Variants in GCAT observed in about 807,000 individuals in gnomAD.
The protein encoded by GCAT is glycine C-acetyltransferase, also known as 2-amino-3-ketobutyrate coenzyme A ligase, mitochondrial.
A neutral mutation model predicts 39.7 loss-of-function variants in GCAT; 26 were observed. The observed-to-expected ratio is 0.65, with a 90% CI of 0.48 to 0.91. The LOEUF is 0.91. Among genes scored for constraint, GCAT ranks in the 40% least tolerant of loss-of-function variants. The probability of loss-of-function intolerance (pLI) is 0.00; values close to 1 mark genes in which losing one functional copy is unlikely to be tolerated. For missense variants in GCAT, 550 were observed against 576.2 expected (o/e 0.95, Z 0.47); for synonymous variants, 218 against 237.2 (o/e 0.92, Z 0.74).
Position 37,807,943 on chromosome 22 carries a change from G to C in GCAT, c.-25G>C, listed in dbSNP as rs1021179263. 1 of 1,465,208 alleles carries C rather than the reference G, an allele frequency of 6.8e-7. No individual in the cohort carries two copies. The highest frequency in any genetic ancestry group is 9.0e-7 in the Non-Finnish European group (1 of 1,115,398). 90.8% of individuals were successfully genotyped at this position (1,465,208 alleles called of 1,614,324 possible). On this transcript the variant is annotated 5_prime_UTR_variant, in exon 1 of 9. Coordinates refer to ENST00000248924, the MANE Select transcript of GCAT (RefSeq NM_014291.4). ...GATGCGCACGGCTCCCAGGCAGGCA[G>C]GCGCGCTCGGGCGAGGTAGGAGCGA...
chr22:37,815,998 CCTT>C, intron 7 of GCAT, 164 bp downstream of exon 7: 1 of 439,736 alleles, frequency 2.3e-6, no homozygotes, highest in Non-Finnish European at 3.0e-6. Flanking sequence ...TTCTGTGTCT[CCTT>C]CTTATCCCTC....
rs765003743 is a variant in GCAT at position 37,815,237 on chromosome 22, A to G, written c.688A>G (p.Met230Val). The change falls in exon 5 of 9, where the codon ATG becomes GTG. Residue 230 changes from methionine to valine, a missense_variant. Met to Val is a conservative substitution (Grantham distance 21, BLOSUM62 1). Transcript: ENST00000248924. ...CTCTAGATATGGTGCCCTGGTCTTC[A>G]TGGATGAATGCCATGCCACTGGCTT... ...LASRYGALVF[M>V]DECHATGFLG... The G allele has an allele frequency of 9.9e-6, 16 of 1,614,044 alleles. No homozygotes were observed. In the South Asian group the frequency reaches 1.3e-4, roughly 13 times the overall value.
chr22:37,813,086 G>A, intron 3 of GCAT, 98 bp downstream of exon 3: 1 of 879,374 alleles, frequency 1.1e-6, no homozygotes, highest in Non-Finnish European at 1.9e-6. Flanking sequence ...AGGATTCAGT[G>A]CCATGCCTAG....
At chr22:37,813,373 C>T (rs779032221) in intron 3 of GCAT, 90 bp from the exon 4 acceptor site, 65 of 1,379,352 alleles carry the variant, frequency 4.7e-5, no homozygotes, top group Non-Finnish European at 6.1e-5. Context: ...CCCTGGCTGG[C>T]AGTACAGTTT....
At chr22:37,813,797 ACT>A (rs1313436066) in intron 4 of GCAT, among the ~76,000 whole-genome samples, 188 bp downstream of exon 4, 2 of 149,378 alleles carry the variant, frequency 1.3e-5, no homozygotes, top group African/African-American at 5.0e-5. Context: ...ACAGAGTTTC[ACT>A]CTGTCGCCAA....
At position 37,812,967 on chromosome 22, in the gene GCAT, C is replaced by T. The variant is rs753336349; in HGVS notation, c.408C>T (p.Asp136=). 21 of 1,612,752 alleles carry T rather than the reference C, an allele frequency of 1.3e-5. No homozygotes were observed. The highest frequency in any genetic ancestry group is 3.3e-5 in the Admixed American group (2 of 59,992). Residue 136 remains aspartate, a synonymous_variant, in exon 3 of 9, where the codon GAC becomes GAT. Coordinates refer to ENST00000248924, the MANE Select transcript of GCAT (RefSeq NM_014291.4). ...CCATCCTCTATCCCAGCTGTTATGA[C>T]GCCAACGCCGGCCTCTTTGAGGTGT... ...EDAILYPSCY[D]ANAGLFEALL...
At chr22:37,813,127 G>T (rs1275084256) in intron 3 of GCAT, 139 bp downstream of exon 3, 14 of 684,438 alleles carry the variant, frequency 2.0e-5, no homozygotes, top group African/African-American at 2.0e-4. Context: ...GGAGGTCAAG[G>T]TTGGGCCAGG....
chr22:37,811,750 C>G (rs1026211066), intron 2 of GCAT, among the ~76,000 whole-genome samples: 4 of 151,528 alleles, frequency 2.6e-5, no homozygotes, highest in Non-Finnish European at 5.9e-5. Context: ...ATGGTGAAAC[C>G]CTGTCTGTGC....
rs546747297 is a variant in GCAT at position 37,809,383 on chromosome 22, A to G, written c.197-644A>G. 1.4e-4 allele frequency among the ~76,000 whole-genome samples: 21 copies of G among 152,304 alleles called. No individual in the cohort carries two copies. The South Asian group carries it at 4.4e-3, about 32-fold the overall frequency. On this transcript the variant is annotated intron_variant, in intron 1 of 8. Coordinates refer to ENST00000248924, the MANE Select transcript of GCAT (RefSeq NM_014291.4). ...GCAAAGTAAACTGTGGAGTTCCAGG[A>G]CTGCAGCAGGCGTCTGATCCAGCCC...
Position 37,815,297 on chromosome 22 carries a change from C to T in GCAT, c.731+17C>T, listed in dbSNP as rs779237190. ...CACAGGACGGTGGGACCATGTGGCACCTGAGGCCTGGGGTGGGGCTTCTGA... is the reference window on the plus strand; with the variant it reads ...CACAGGACGGTGGGACCATGTGGCATCTGAGGCCTGGGGTGGGGCTTCTGA... On this transcript the variant is annotated intron_variant, in intron 5 of 8. Transcript: ENST00000248924. 2 of 1,611,320 alleles carry T rather than the reference C, an allele frequency of 1.2e-6. No individual in the cohort carries two copies. The highest frequency in any genetic ancestry group is 1.7e-6 in the Non-Finnish European group (2 of 1,178,160).
intron 3 of GCAT, 104 bp downstream of exon 3, chr22:37,813,092 C>T (rs1297389990): frequency 3.6e-6 from 3 of 831,998 alleles, no homozygotes; most frequent in African/African-American, 1.7e-5. Context: ...CAGTGCCATG[C>T]CTAGAGGCTC....
chr22:37,811,730 C>G (rs1399390909), intron 2 of GCAT, among the ~76,000 whole-genome samples: 1 of 151,744 alleles, frequency 6.6e-6, no homozygotes, highest in Non-Finnish European at 1.5e-5. Context: ...TCAAGACCAG[C>G]CTGGCCAACA....
chr22:37,815,537 C>A (rs778008097), intron 6 of GCAT, 37 bp downstream of exon 6: 1 of 1,559,774 alleles, frequency 6.4e-7, no homozygotes, highest in Admixed American at 1.7e-5. Flanking sequence ...TCCCCTTGTC[C>A]TTTTGAAGGG....
In GCAT at chr22:37,808,023, G is replaced by A. The variant is rs1470914939; in HGVS notation, c.56G>A (p.Arg19His). ...CTCTTCTGGGTGCCCCGCGGCCGCC[G>A]CGCACAGTCAGCGCTGGCCCAGCTG... is the stretch of plus-strand genomic sequence containing the variant. ...AALFWVPRGR[R>H]AQSALAQLRG... The change falls in exon 1 of 9, where the codon CGC becomes CAC. Residue 19 changes from arginine (R) to histidine (H), a missense_variant. Around this residue, in one of 3 missense-constraint regions of GCAT, gnomAD observed 154 missense variants for 141.9 expected, o/e 1.08. Transcript: ENST00000248924. 7 of 1,548,314 alleles carry A rather than the reference G, an allele frequency of 4.5e-6. No individual in the cohort carries two copies. Among genetic ancestry groups the A allele is most frequent in the Non-Finnish European group, 6.1e-6 (7 of 1,147,896 alleles).
At chr22:37,816,149 G>A in intron 7 of GCAT, 51 bp from the exon 8 acceptor site, 1 of 1,597,494 alleles carries the variant, frequency 6.3e-7, no homozygotes, top group Non-Finnish European at 8.5e-7. Context: ...CAAGGAGCGG[G>A]TGTGAATGCT....
At chr22:37,810,233 G>A (rs1274121825) in intron 2 of GCAT, 76 bp downstream of exon 2, 3 of 1,103,364 alleles carry the variant, frequency 2.7e-6, no homozygotes, top group African/African-American at 1.5e-5. Flanking sequence ...GGCTGGTTTA[G>A]CCAGCTCAGC....
At chr22:37,813,118 G>A (rs1269445481) in intron 3 of GCAT, 130 bp downstream of exon 3, 4 of 722,476 alleles carry the variant, frequency 5.5e-6, no homozygotes, top group Admixed American at 4.4e-5. Context: ...CCCGCTTCTG[G>A]AGGTCAAGGT....
chr22:37,815,556 G>A, intron 6 of GCAT, 56 bp downstream of exon 6: 1 of 1,530,350 alleles, frequency 6.5e-7, no homozygotes, highest in Non-Finnish European at 9.0e-7. Flanking sequence ...GGCCCTGGAG[G>A]GGCTCAGGGA....
chr22:37,816,715 C>G lies in GCAT; in HGVS notation c.1257C>G (p.Pro419=), dbSNP rs755368569. 20 of 1,613,816 alleles carry G rather than the reference C, an allele frequency of 1.2e-5. No individual in the cohort carries two copies. The South Asian group carries it at 1.3e-4, about 11-fold the overall frequency. Residue 419 remains proline, a synonymous_variant, in exon 9 of 9, where the codon CCC becomes CCG. Transcript: ENST00000248924. The stretch of plus-strand genomic sequence containing the variant: ...TGGGGCGACTGCACGGGGCACTGCC[C>G]TGAGCTCTGGGTAAGGACGAGAAGA... ...VEVGRLHGAL[P] is the part of the protein sequence containing the mutation.
Sources: gnomAD v4.1 joint callset for allele counts (sites outside exome capture counted in the v4.1 genomes callset) on GRCh38, gnomAD v4.1.1 for gene constraint, gnomAD v4.1.1 regional missense constraint, MANE v1.5 for transcripts, NCBI Gene and HGNC (gene_info 2026-07-23, HGNC 2026-07-21) for gene names.